Variants in FAM53C observed in about 807,000 individuals in gnomAD.
FAM53C encodes family with sequence similarity 53 member C, also known as protein FAM53C.
Under a neutral mutation model 34.7 loss-of-function variants are expected in FAM53C, and 10 were observed. The observed-to-expected ratio is 0.29, with a 90% CI of 0.18 to 0.49. The LOEUF (loss-of-function observed/expected upper bound fraction) is 0.49. FAM53C is among the 20% of genes least tolerant of loss of function. FAM53C has a pLI of 0.99. For synonymous variants in FAM53C, 203 were observed against 203.6 expected (o/e 1.00, Z 0.03); for missense variants, 442 against 515.3 (o/e 0.86, Z 1.38).
At chr5:138,344,395 G>A (rs1275966337) in intron 3 of FAM53C, among the ~76,000 whole-genome samples, 2 of 152,270 alleles carry the variant, frequency 1.3e-5, no homozygotes, top group Non-Finnish European at 2.9e-5. Context: ...GCATAGGCCT[G>A]CTTTTCAGCA....
In FAM53C at chr5:138,348,207, CT is replaced by C. The variant is rs996077693; in HGVS notation, c.*1249del. On this transcript the variant is annotated 3_prime_UTR_variant, in exon 5 of 5. Transcript: ENST00000239906. The stretch of plus-strand genomic sequence containing the variant: ...GAGACCATAGGGAGGTTGGGGCTCA[CT>C]GAGGGATTGGCTGAGGATGTATAAA... The C allele has an allele frequency of 1.3e-5, 2 of 152,682 alleles. No individual in the cohort carries two copies. The highest frequency in any genetic ancestry group is 4.8e-5 in the African/African-American group (2 of 41,466). 9.5% of individuals were successfully genotyped at this position (152,682 alleles called of 1,614,324 possible). A position where few individuals can be genotyped will look rare whatever the true frequency, so the allele number is the denominator to read the frequency against.
intron 1 of FAM53C, among the ~76,000 whole-genome samples, chr5:138,339,167 A>G (rs1760939696): frequency 6.6e-6 from 1 of 152,210 alleles, no homozygotes; most frequent in Admixed American, 6.5e-5. Context: ...GTGAATATTC[A>G]GGGCTGTCTC....
intron 2 of FAM53C, 112 bp downstream of exon 2, chr5:138,341,525 C>A: frequency 9.4e-7 from 1 of 1,060,298 alleles, no homozygotes; most frequent in East Asian, 2.4e-5. Flanking sequence ...GGTACTTAAC[C>A]TGGAAGAGCC....
upstream of FAM53C, chr5:138,337,829 G>C (rs559836449): frequency 1.9e-6 from 1 of 523,730 alleles, no homozygotes; most frequent in Non-Finnish European, 3.1e-6. Flanking sequence ...AGAGGTGGTC[G>C]TGGAGGGCGG....
At position 138,346,705 on chromosome 5, in the gene FAM53C, C is replaced by T; in HGVS notation, c.925C>T (p.Pro309Ser). Reference protein sequence around the residue: ...SLDFDKMNQKPYSGGLCLQET... With the variant: ...SLDFDKMNQKSYSGGLCLQET... ...GTCTTCTTTGTTTGTTTGACAGAAA[C>T]CATACTCAGGAGGTCTTTGTCTCCA... The change falls in exon 5 of 5, where the codon CCA becomes TCA. Residue 309 changes from proline to serine, a missense_variant. Transcript: ENST00000239906. 4.3e-6 allele frequency: 7 copies of T among 1,614,120 alleles called. No individual in the cohort carries two copies. Among genetic ancestry groups the T allele is most frequent in the East Asian group, 2.2e-5 (1 of 44,890 alleles).
upstream of FAM53C, chr5:138,338,095 C>A (rs1469551043): frequency 4.7e-6 from 6 of 1,289,808 alleles, no homozygotes; most frequent in East Asian, 3.3e-4. Context: ...CAGGCTCGTT[C>A]CCAACAGCGC....
Position 138,346,345 on chromosome 5 carries a change from G to A in FAM53C, c.922-357G>A, listed in dbSNP as rs575243189. On this transcript the variant is annotated intron_variant, in intron 4 of 4. Transcript: ENST00000239906. ...AAATTTTGTCAGAAAGTTTACAAAC[G>A]CCAGGCATGGTGGCTAACGCCTGTA... Among the ~76,000 whole-genome samples, 16 of 152,306 alleles carry A rather than the reference G, an allele frequency of 1.1e-4. No individual in the cohort carries two copies. The South Asian group carries it at 3.1e-3, about 30-fold the overall frequency.
rs374533314 is a variant in FAM53C at position 138,344,807 on chromosome 5, A to C, written c.137-18A>C. The C allele has an allele frequency of 9.9e-6, 15 of 1,512,796 alleles. No individual in the cohort carries two copies. In the South Asian group the frequency reaches 1.8e-4, roughly 18 times the overall value. 93.7% of individuals were successfully genotyped at this position (1,512,796 alleles called of 1,614,324 possible). A position where few individuals can be genotyped will look rare whatever the true frequency, so the allele number is the denominator to read the frequency against. ...GTAAGCTATCATTAATATTATTCTT[A>C]TTATAAATGCCTTCCAGAAGGTGCT... On this transcript the variant is annotated intron_variant, in intron 3 of 4. Coordinates refer to ENST00000239906, the MANE Select transcript of FAM53C (RefSeq NM_016605.3).
chr5:138,346,904 C>A lies in FAM53C; in HGVS notation c.1124C>A (p.Thr375Lys), dbSNP rs754663336. The A allele has an allele frequency of 6.2e-7, 1 of 1,614,056 alleles. No homozygotes were observed. The highest frequency in any genetic ancestry group is 1.7e-5 in the Admixed American group (1 of 60,014). ...RWGRQALSKR[T>K]LCQRDFGDLD... ...GGTCGGCAGGCGCTGAGCAAGCGGA[C>A]ACTGTGCCAGCGGGACTTTGGGGAC... Residue 375 changes from threonine (T) to lysine (K), a missense_variant, in exon 5 of 5, where the codon ACA (threonine) becomes AAA (lysine). Transcript: ENST00000239906.
At position 138,345,118 on chromosome 5, in the gene FAM53C, C is replaced by T; in HGVS notation, c.430C>T (p.Pro144Ser). 6.2e-7 allele frequency: 1 copy of T among 1,614,074 alleles called. No homozygotes were observed. The highest frequency in any genetic ancestry group is 8.5e-7 in the Non-Finnish European group (1 of 1,179,956). ...GCCCGCCCCCTCCAAGCTGTGGACT[C>T]CCATAAAGCACCGGGGCAGTGGTGG... ...WRPAPSKLWT[P>S]IKHRGSGGGG... Residue 144 changes from proline (P) to serine (S), a missense_variant, in exon 4 of 5, where the codon CCC becomes TCC. By Grantham distance (74) the Pro-to-Ser change is moderately conservative. Transcript: ENST00000239906. This position sits in a 1 kb window ranked among gnomAD's most constrained non-coding sequence, Gnocchi z 6.3.
chr5:138,347,145 T>C lies in FAM53C; in HGVS notation c.*186T>C, dbSNP rs1370505590. 1 of 811,938 alleles carries C rather than the reference T, an allele frequency of 1.2e-6. No individual in the cohort carries two copies. The highest frequency in any genetic ancestry group is 1.8e-5 in the South Asian group (1 of 56,500). 50.3% of individuals were successfully genotyped at this position (811,938 alleles called of 1,614,324 possible). A position where few individuals can be genotyped will look rare whatever the true frequency, so the allele number is the denominator to read the frequency against. ...TGCCAAGAGACTGGCCGGGACAAGA[T>C]AAACGGAGCTGGTGGCGGGAGGGAC... On this transcript the variant is annotated 3_prime_UTR_variant, in exon 5 of 5. Transcript: ENST00000239906.
rs1761156957 is a variant in FAM53C, at chr5:138,345,748, C to T, written c.921+139C>T. On this transcript the variant is annotated intron_variant, in intron 4 of 4. Coordinates refer to ENST00000239906, the MANE Select transcript of FAM53C (RefSeq NM_016605.3). The surrounding 1 kb of genome is among the most constrained non-coding windows in gnomAD (Gnocchi z 6.3). ...TCCTTTAGCTCTTAGCTAGGGTGAC[C>T]TACCATCCCAGTTTGCCTGGGACTG... 2 of 1,027,368 alleles carry T rather than the reference C, an allele frequency of 1.9e-6. No homozygotes were observed. The highest frequency in any genetic ancestry group is 1.7e-5 in the South Asian group (1 of 59,198). The allele number at this position is 1,027,368 out of a possible 1,614,324, so 63.6% of individuals were successfully genotyped here.
In FAM53C at chr5:138,344,862, T is replaced by TAAAAAA; in HGVS notation, c.174_175insAAAAAA (p.Cys58_Ala59insLysLys). 1 of 1,601,758 alleles carries TAAAAAA rather than the reference T, an allele frequency of 6.2e-7. No individual in the cohort carries two copies. Among genetic ancestry groups the TAAAAAA allele is most frequent in the Admixed American group, 1.7e-5 (1 of 57,774 alleles). On this transcript the variant is annotated inframe_insertion, in exon 4 of 5. Coordinates refer to ENST00000239906, the MANE Select transcript of FAM53C (RefSeq NM_016605.3). Reference sequence around the variant, plus strand: ...GGAGGGGCCTGCCCCACTGTTCCTGTGCTGAGTTCCAGGACAGCCTCAACT... The same window carrying TAAAAAA: ...GGAGGGGCCTGCCCCACTGTTCCTGTAAAAAAGCTGAGTTCCAGGACAGCCTCAACT...
chr5:138,338,133 C>G (rs1309699541), upstream of FAM53C: 1 of 1,289,700 alleles, frequency 7.8e-7, no homozygotes, highest in Non-Finnish European at 1.0e-6. Flanking sequence ...GAGAGAGACA[C>G]GACACGGAGC....
Position 138,345,664 on chromosome 5 carries a change from T to G in FAM53C, c.921+55T>G. The G allele has an allele frequency of 6.4e-7, 1 of 1,551,648 alleles. No individual in the cohort carries two copies. Among genetic ancestry groups the G allele is most frequent in the Non-Finnish European group, 8.7e-7 (1 of 1,145,726 alleles). On this transcript the variant is annotated intron_variant, in intron 4 of 4. Transcript: ENST00000239906. The surrounding 1 kb of genome is among the most constrained non-coding windows in gnomAD (Gnocchi z 6.3). The stretch of plus-strand genomic sequence containing the variant: ...ATGGGAGTGTGGGGACTGTTCTGTT[T>G]CCACTTTTGAGCTAGCCCCTAGCTT...
At chr5:138,338,245 C>A (rs1186994613), upstream of FAM53C, 3 of 1,170,930 alleles carry the variant, frequency 2.6e-6, no homozygotes, top group Non-Finnish European at 3.4e-6. Context: ...TTAAGGGCAC[C>A]GTGGGGCGAA....
At chr5:138,339,390 GGTGGTAGTTGCATT>G (rs1760954117) in intron 1 of FAM53C, among the ~76,000 whole-genome samples, 1 of 152,190 alleles carries the variant, frequency 6.6e-6, no homozygotes, top group Non-Finnish European at 1.5e-5. Context: ...TCAGTTGCGT[GGTGGTAGTTGCATT>G]GTTCCAATTA....
intron 1 of FAM53C, among the ~76,000 whole-genome samples, chr5:138,338,579 G>A: frequency 7.4e-6 from 1 of 134,924 alleles, no homozygotes; most frequent in Admixed American, 7.6e-5. Flanking sequence ...CCCTGAGCGA[G>A]CCCTGGCGCA....
intron 3 of FAM53C, 82 bp downstream of exon 3, chr5:138,341,948 G>T (rs1201723858): frequency 4.3e-6 from 6 of 1,396,334 alleles, no homozygotes; most frequent in Middle Eastern, 3.5e-4. Flanking sequence ...CCAGTGACCA[G>T]GGCTAGCGAG....
Sources: allele counts gnomAD v4.1 joint callset (sites outside exome capture counted in the v4.1 genomes callset), GRCh38; gene constraint gnomAD v4.1.1; non-coding constraint Gnocchi (gnomAD v3.1); transcripts MANE v1.5; gene names NCBI Gene and HGNC (gene_info 2026-07-23, HGNC 2026-07-21).